Variants in CDH4 observed in about 807,000 individuals in gnomAD.
CDH4 encodes cadherin-4.
CDH4 carries 33 observed loss-of-function variants against 86.0 expected under a neutral mutation model. The observed-to-expected ratio is 0.38, with a 90% CI of 0.29 to 0.51. The LOEUF is 0.51. Ranked by LOEUF, CDH4 falls within the 20% of genes least tolerant of loss-of-function variation. The probability of loss-of-function intolerance (pLI) is 0.86; values close to 1 mark genes in which losing one functional copy is unlikely to be tolerated. For missense variants in CDH4, 1,114 were observed against 1,307.4 expected, an observed-to-expected ratio of 0.85 and a Z score of 2.28; for synonymous variants, 555 against 549.4, an observed-to-expected ratio of 1.01 and a Z score of -0.14.
At chr20:61,876,373 G>A (rs1234934075) in intron 7 of CDH4, among the ~76,000 whole-genome samples, 13 of 152,382 alleles carry the variant, frequency 8.5e-5, no homozygotes, top group African/African-American at 3.1e-4. Context: ...CTGCATGCTG[G>A]CCGCAGGAAA....
chr20:61,838,420 C>G (rs559893145), intron 4 of CDH4, among the ~76,000 whole-genome samples: 79 of 152,290 alleles, frequency 5.2e-4, no homozygotes, highest in African/African-American at 1.8e-3. Flanking sequence ...GAAGCTCAAG[C>G]AGGAGCACTG....
At chr20:61,924,988 G>A (rs1433888813) in intron 11 of CDH4, among the ~76,000 whole-genome samples, 2 of 152,270 alleles carry the variant, frequency 1.3e-5, no homozygotes, top group African/African-American at 2.4e-5. Flanking sequence ...CGGGGGTGCC[G>A]CCCTCGTGTC....
intron 2 of CDH4, among the ~76,000 whole-genome samples, chr20:61,533,694 A>G (rs569753301): frequency 1.3e-5 from 2 of 152,228 alleles, no homozygotes; most frequent in South Asian, 4.1e-4. Context: ...CAGGTGCCCC[A>G]TGAGACTAGA....
chr20:61,570,941 G>A (rs118134132), intron 2 of CDH4, among the ~76,000 whole-genome samples: 160 of 152,312 alleles, frequency 1.1e-3, no homozygotes, highest in Non-Finnish European at 1.9e-3. Context: ...GTCTGTGTGG[G>A]TGCAGGGCTG....
Position 61,846,505 on chromosome 20 carries a change from G to GACAC in CDH4, c.732+1696_732+1699dup, listed in dbSNP as rs554087392. On this transcript the variant is annotated intron_variant, in intron 5 of 15. Coordinates refer to ENST00000614565, the MANE Select transcript of CDH4 (RefSeq NM_001794.5). ...GACCAAGGACTTAGGGAGAGACACA[G>GACAC]ACACACACACACACACAGAGATAGA... Among the ~76,000 whole-genome samples, 316 of 151,264 alleles carry GACAC rather than the reference G, an allele frequency of 2.1e-3. 3 individuals carry two copies. The highest frequency in any genetic ancestry group is 0.014 in the Middle Eastern group (4 of 288).
rs117522707 is a variant in CDH4 at position 61,329,596 on chromosome 20, A to G, written c.169+74659A>G. On this transcript the variant is annotated intron_variant, in intron 2 of 15. Transcript: ENST00000614565. ...TCTTTCCAGCATAGTTCCCCCTAAA[A>G]CATCAGAAAGCTGAGTGAGCCTGTG... Among the ~76,000 whole-genome samples the G allele has an allele frequency of 7.4e-3, 1,118 of 152,094 alleles. 20 individuals carry two copies. The highest frequency in any genetic ancestry group is 0.055 in the South Asian group (266 of 4,824).
chr20:61,846,334 C>T (rs558601990), intron 5 of CDH4, among the ~76,000 whole-genome samples: 1 of 152,386 alleles, frequency 6.6e-6, no homozygotes, highest in African/African-American at 2.4e-5. Flanking sequence ...GAGACTCCGG[C>T]TGACGCCCCC....
intron 7 of CDH4, among the ~76,000 whole-genome samples, chr20:61,889,870 G>C (rs929007181): frequency 6.6e-6 from 1 of 150,610 alleles, no homozygotes; most frequent in Non-Finnish European, 1.5e-5. Flanking sequence ...TGGATAGATG[G>C]ATGGTGGATG....
chr20:61,873,371 C>T (rs1246042866), intron 6 of CDH4, among the ~76,000 whole-genome samples: 1 of 152,234 alleles, frequency 6.6e-6, no homozygotes, highest in Non-Finnish European at 1.5e-5. Context: ...CTTGGACGCA[C>T]TGTCGGGGCC....
intron 2 of CDH4, among the ~76,000 whole-genome samples, chr20:61,260,632 T>A (rs949843274): frequency 9.8e-5 from 15 of 152,328 alleles, no homozygotes; most frequent in African/African-American, 3.6e-4. Flanking sequence ...GTCAGAGGAC[T>A]ACTTCTTTCT....
chr20:61,668,655 G>A (rs1281337588), intron 2 of CDH4, among the ~76,000 whole-genome samples: 1 of 152,216 alleles, frequency 6.6e-6, no homozygotes, highest in East Asian at 1.9e-4. Flanking sequence ...GAGGTGAAAT[G>A]GCACACCCAA....
At chr20:61,613,231 T>C (rs2086699124) in intron 2 of CDH4, among the ~76,000 whole-genome samples, 3 of 152,062 alleles carry the variant, frequency 2.0e-5, no homozygotes. Flanking sequence ...CCCAAGTGCT[T>C]CAGAAAACAA....
At chr20:61,677,881 T>TA (rs1555823560) in intron 2 of CDH4, among the ~76,000 whole-genome samples, 1 of 151,302 alleles carries the variant, frequency 6.6e-6, no homozygotes, top group Non-Finnish European at 1.5e-5. Flanking sequence ...GATGGATAGA[T>TA]GATGGATGAT....
At chr20:61,492,037 ATGT>A (rs533476818) in intron 2 of CDH4, among the ~76,000 whole-genome samples, 23 of 146,092 alleles carry the variant, frequency 1.6e-4, no homozygotes, top group East Asian at 6.2e-4. Flanking sequence ...GGTGGTGTTG[ATGT>A]TGGTGGTATT....
At position 61,653,649 on chromosome 20, in the gene CDH4, G is replaced by A. The variant is rs1244440543; in HGVS notation, c.170-89914G>A. On this transcript the variant is annotated intron_variant, in intron 2 of 15. Coordinates refer to ENST00000614565, the MANE Select transcript of CDH4 (RefSeq NM_001794.5). ...CAGACGGGGTGGCTGCCGGGCTGAG[G>A]GGCTCCTCACTTCTCAGACAGGGCG... 7.0e-3 allele frequency among the ~76,000 whole-genome samples: 541 copies of A among 76,930 alleles called. 2 individuals are homozygous for A. The highest frequency in any genetic ancestry group is 0.028 in the Middle Eastern group (4 of 144). The allele number at this position is 76,930 out of a possible 152,430, so 50.5% of individuals were successfully genotyped here. A position where few individuals can be genotyped will look rare whatever the true frequency, so the allele number is the denominator to read the frequency against.
intron 2 of CDH4, among the ~76,000 whole-genome samples, chr20:61,277,226 G>A (rs763854557): frequency 1.7e-4 from 26 of 152,118 alleles, no homozygotes; most frequent in Admixed American, 1.4e-3. Flanking sequence ...CCTCTTTTGC[G>A]TCCTCTCCCT....
In CDH4 at chr20:61,286,779, G is replaced by A. The variant is rs563101420; in HGVS notation, c.169+31842G>A. ...TTATTTATGGGCAAATTTCAAAGTTGCATCTGTTCCTATTCTGTGAGCACT... is the reference window on the plus strand; with the variant it reads ...TTATTTATGGGCAAATTTCAAAGTTACATCTGTTCCTATTCTGTGAGCACT... On this transcript the variant is annotated intron_variant, in intron 2 of 15. Transcript: ENST00000614565. 2.6e-4 allele frequency among the ~76,000 whole-genome samples: 39 copies of A among 152,336 alleles called. 1 individual carries two copies. Among genetic ancestry groups the A allele is most frequent in the Admixed American group, 5.2e-4 (8 of 15,294 alleles).
In CDH4 at chr20:61,663,733, GCT is replaced by G. The variant is rs1298377219; in HGVS notation, c.170-79829_170-79828del. On this transcript the variant is annotated intron_variant, in intron 2 of 15. Coordinates refer to ENST00000614565, the MANE Select transcript of CDH4 (RefSeq NM_001794.5). This position sits in a 1 kb window ranked among gnomAD's most constrained non-coding sequence, Gnocchi z 5.0. ...GGAAGGACGTGCAGAACCAGGCAGG[GCT>G]GACAGACGCGGGGTCGGGGGAAGAT... is the stretch of plus-strand genomic sequence containing the variant. 2.6e-5 allele frequency among the ~76,000 whole-genome samples: 4 copies of G among 151,942 alleles called. No homozygotes were observed. The East Asian group carries it at 7.8e-4, about 30-fold the overall frequency.
At chr20:61,655,523 CCT>C (rs556663597) in intron 2 of CDH4, among the ~76,000 whole-genome samples, 3 of 152,340 alleles carry the variant, frequency 2.0e-5, no homozygotes, top group African/African-American at 4.8e-5. Flanking sequence ...GCCGTGTTCT[CCT>C]CTCTCTCTGG....
Sources: gnomAD v4.1 joint callset for allele counts (sites outside exome capture counted in the v4.1 genomes callset) on GRCh38, gnomAD v4.1.1 for gene constraint, Gnocchi (gnomAD v3.1) non-coding constraint, MANE v1.5 for transcripts, NCBI Gene and HGNC (gene_info 2026-07-23, HGNC 2026-07-21) for gene names.